Variants in DIP2C observed in about 807,000 individuals in gnomAD.
DIP2C encodes the protein DIP2 acetate--CoA ligase C (putative).
Under a neutral mutation model 192.4 loss-of-function variants are expected in DIP2C, and 33 were observed. The observed-to-expected ratio is 0.17, with a 90% CI of 0.13 to 0.23. DIP2C has a LOEUF of 0.23. DIP2C is among the 10% of genes least tolerant of loss of function. The probability of loss-of-function intolerance (pLI) is 1.00; values close to 1 mark genes in which losing one functional copy is unlikely to be tolerated. For synonymous variants in DIP2C, 979 were observed against 864.1 expected (o/e 1.13, Z -2.33); for missense variants, 1,537 against 2,110.1 (o/e 0.73, Z 5.32).
intron 23 of DIP2C, among the ~76,000 whole-genome samples, 195 bp from the exon 24 acceptor site, chr10:356,701 G>A (rs1959099501): frequency 6.6e-6 from 1 of 152,340 alleles, no homozygotes; most frequent in Admixed American, 6.5e-5. Context: ...GGACAAGCAA[G>A]TGCCCACAGC....
At chr10:344,723 G>A (rs1266094359) in intron 28 of DIP2C, 86 bp downstream of exon 28, 1 of 1,102,420 alleles carries the variant, frequency 9.1e-7, no homozygotes, top group Non-Finnish European at 1.3e-6. Flanking sequence ...CTACACGAGA[G>A]GCGCTGAGAG....
intron 1 of DIP2C, among the ~76,000 whole-genome samples, chr10:535,677 G>A (rs781286155): frequency 5.3e-5 from 8 of 152,254 alleles, no homozygotes; most frequent in Non-Finnish European, 1.0e-4. Context: ...TTCTCAAGAT[G>A]CAATGTTACA....
chr10:362,605 G>C lies in DIP2C; in HGVS notation c.2679C>G (p.Ile893Met). 6.2e-7 allele frequency: 1 copy of C among 1,614,172 alleles called. No individual in the cohort carries two copies. Among genetic ancestry groups the C allele is most frequent in the East Asian group, 2.2e-5 (1 of 44,884 alleles). ...AAAGCTGTTTTGTTTCTGATAAATGGATCCCACCAAGCGGGGTTTTGGGGA... is the reference window on the plus strand; with the variant it reads ...AAAGCTGTTTTGTTTCTGATAAATGCATCCCACCAAGCGGGGTTTTGGGGA... The part of the protein sequence containing the change: ...NTLPKTPLGG[I>M]HLSETKQLFL... Residue 893 changes from isoleucine (I) to methionine (M), a missense_variant, in exon 22 of 37, where the codon ATC becomes ATG. By Grantham distance (10) the Ile-to-Met change is conservative. Around this residue, in one of 4 missense-constraint regions of DIP2C, gnomAD observed 677 missense variants for 989.9 expected, o/e 0.68. Transcript: ENST00000280886.
intron 32 of DIP2C, among the ~76,000 whole-genome samples, chr10:295,087 A>G (rs534460975): frequency 6.6e-6 from 1 of 152,332 alleles, no homozygotes; most frequent in Admixed American, 6.5e-5. Context: ...ACAAATCATC[A>G]GAGAAGTGGA....
chr10:659,534 C>G (rs995539900), intron 1 of DIP2C, among the ~76,000 whole-genome samples: 1 of 152,248 alleles, frequency 6.6e-6, no homozygotes, highest in South Asian at 2.1e-4. Context: ...ACACAGCACA[C>G]ATACACACAT....
chr10:526,448 C>T (rs745935145), intron 1 of DIP2C, among the ~76,000 whole-genome samples: 1 of 151,568 alleles, frequency 6.6e-6, no homozygotes, highest in Non-Finnish European at 1.5e-5. Context: ...CATACAGCTG[C>T]ACAGCTGGGG....
Position 684,592 on chromosome 10 carries a change from G to A in DIP2C, c.85+4902C>T, listed in dbSNP as rs1030490859. On this transcript the variant is annotated intron_variant, in intron 1 of 36. Coordinates refer to ENST00000280886, the MANE Select transcript of DIP2C (RefSeq NM_014974.3). ...CCCTGGTCAGCTCTTACACAGGCGT[G>A]TGACTTCCTCACTGTGCAGGGTGGA... 7.9e-5 allele frequency among the ~76,000 whole-genome samples: 12 copies of A among 152,320 alleles called. No individual in the cohort carries two copies. In the East Asian group the frequency reaches 2.1e-3, roughly 27 times the overall value.
At chr10:288,756 G>T (rs1002200035) in intron 32 of DIP2C, among the ~76,000 whole-genome samples, 1 of 152,218 alleles carries the variant, frequency 6.6e-6, no homozygotes, top group Admixed American at 6.5e-5. Context: ...AGAGCTGCGG[G>T]TCACCCACGA....
chr10:300,837 C>T (rs1225767886), intron 32 of DIP2C, among the ~76,000 whole-genome samples: 1 of 152,018 alleles, frequency 6.6e-6, no homozygotes, highest in Admixed American at 6.5e-5. Context: ...GAAACCGGAT[C>T]CAGGGGCGGC....
intron 1 of DIP2C, among the ~76,000 whole-genome samples, chr10:594,578 T>C (rs1671190610): frequency 6.6e-6 from 1 of 151,926 alleles, no homozygotes; most frequent in African/African-American, 2.4e-5. Context: ...CAAATCATTT[T>C]AACATAAGGG....
At chr10:500,553 T>C (rs1845151610) in intron 1 of DIP2C, among the ~76,000 whole-genome samples, 1 of 152,226 alleles carries the variant, frequency 6.6e-6, no homozygotes, top group Non-Finnish European at 1.5e-5. Flanking sequence ...ATTTAATACC[T>C]ATTGTGTGCC....
chr10:597,270 T>TC (rs750013009), intron 1 of DIP2C, among the ~76,000 whole-genome samples: 4 of 152,158 alleles, frequency 2.6e-5, no homozygotes, highest in Non-Finnish European at 5.9e-5. Flanking sequence ...AGCCACACCC[T>TC]CCCAGGCCTC....
intron 31 of DIP2C, among the ~76,000 whole-genome samples, chr10:317,084 A>C (rs1956807799): frequency 6.6e-6 from 1 of 152,192 alleles, no homozygotes; most frequent in Non-Finnish European, 1.5e-5. Flanking sequence ...AAATATTTAA[A>C]AAATAAATTT....
chr10:352,451 G>A lies in DIP2C; in HGVS notation c.2986-2997C>T, dbSNP rs144222362. Among the ~76,000 whole-genome samples, 433 of 152,340 alleles carry A rather than the reference G, an allele frequency of 2.8e-3. 2 individuals carry two copies. The highest frequency in any genetic ancestry group is 9.8e-3 in the African/African-American group (409 of 41,580). On this transcript the variant is annotated intron_variant, in intron 24 of 36. Transcript: ENST00000280886. The stretch of plus-strand genomic sequence containing the variant: ...AGCAAAGCTTCCAGGCACGCTCCAC[G>A]AGGACGGTGCCCTTCTCAGGTGTTA...
intron 1 of DIP2C, among the ~76,000 whole-genome samples, chr10:521,479 GC>G (rs897549559): frequency 4.6e-5 from 7 of 152,142 alleles, no homozygotes; most frequent in African/African-American, 1.4e-4. Flanking sequence ...CTTCCTCTCT[GC>G]CCCCCAAAGC....
chr10:603,330 A>AAAAC (rs1564255424), intron 1 of DIP2C, among the ~76,000 whole-genome samples: 10 of 128,090 alleles, frequency 7.8e-5, no homozygotes, highest in Non-Finnish European at 1.5e-4. Flanking sequence ...AAAAAAAAAA[A>AAAAC]AAACCAACCA....
chr10:412,800 A>C (rs1052222888), intron 8 of DIP2C, among the ~76,000 whole-genome samples: 3 of 152,234 alleles, frequency 2.0e-5, no homozygotes, highest in Admixed American at 6.5e-5. Flanking sequence ...TGTAACAACA[A>C]AAGCTAAAGT....
At chr10:357,768 G>GGTCGGGGACAGTCGGAAAA (rs1251245853) in intron 23 of DIP2C, 60 bp downstream of exon 23, 6 of 1,318,974 alleles carry the variant, frequency 4.5e-6, no homozygotes, top group South Asian at 1.2e-5. Flanking sequence ...GGTCGCAGAT[G>GGTCGGGGACAGTCGGAAAA]GTCGGGGACA....
Position 422,858 on chromosome 10 carries a change from G to A in DIP2C, c.570C>T (p.His190=). 7 of 1,612,918 alleles carry A rather than the reference G, an allele frequency of 4.3e-6. No homozygotes were observed. Among genetic ancestry groups the A allele is most frequent in the South Asian group, 2.2e-5 (2 of 91,022 alleles). The change falls in exon 5 of 37, where the codon CAC becomes CAT. Residue 190 remains histidine (H), a synonymous_variant. Transcript: ENST00000280886. ...TCTGAGCCATGACGTCCGCCAGCCT[G>A]TGGGCAGCCCCGCTGCCCCCGCTCT... is the stretch of plus-strand genomic sequence containing the variant. ...STQSGGSGAA[H]RLADVMAQTH...
Sources: gnomAD v4.1 joint callset for allele counts (sites outside exome capture counted in the v4.1 genomes callset) on GRCh38, gnomAD v4.1.1 for gene constraint, gnomAD v4.1.1 regional missense constraint, MANE v1.5 for transcripts, NCBI Gene and HGNC (gene_info 2026-07-23, HGNC 2026-07-21) for gene names.